Variants in PCNX1 observed in about 807,000 individuals in gnomAD.
PCNX1 encodes pecanex-like protein 1.
PCNX1 carries 78 observed loss-of-function variants against 242.2 expected under a neutral mutation model. The observed-to-expected ratio is 0.32, with a 90% confidence interval of 0.27 to 0.39. PCNX1 has a LOEUF of 0.39. PCNX1 is among the 10% of genes least tolerant of loss of function. The probability of loss-of-function intolerance (pLI) is 1.00; values close to 1 mark genes in which losing one functional copy is unlikely to be tolerated. For missense variants in PCNX1, 2,581 were observed against 2,856.5 expected (o/e 0.90, Z 2.20); for synonymous variants, 1,024 against 1,032.9 (o/e 0.99, Z 0.17).
At position 71,046,955 on chromosome 14, in the gene PCNX1, C is replaced by A; in HGVS notation, c.4019-9C>A. The A allele has an allele frequency of 1.2e-6, 2 of 1,600,696 alleles. No homozygotes were observed. On this transcript the variant is annotated splice_polypyrimidine_tract_variant and intron_variant, in intron 20 of 35. Coordinates refer to ENST00000304743, the MANE Select transcript of PCNX1 (RefSeq NM_014982.3). ...TGACATGTAGTCTTGATTTATACTG[C>A]CTTGTTAGATGCAGCCACTATGATG... is the stretch of plus-strand genomic sequence containing the variant.
In PCNX1 at chr14:70,995,740, G is replaced by C. The variant is rs1220042519; in HGVS notation, c.2445-1G>C. The C allele has an allele frequency of 6.2e-7, 1 of 1,612,762 alleles. No homozygotes were observed. The highest frequency in any genetic ancestry group is 1.7e-5 in the Admixed American group (1 of 59,862). Reference sequence around the variant, plus strand: ...TCTCCCCAATCCATGTTTTTTCCTAGCCTTCAAGATGGTCAGCAAGGCCAG... The same window carrying C: ...TCTCCCCAATCCATGTTTTTTCCTACCCTTCAAGATGGTCAGCAAGGCCAG... On this transcript the variant is annotated splice_acceptor_variant, in intron 7 of 35. Coordinates refer to ENST00000304743, the MANE Select transcript of PCNX1 (RefSeq NM_014982.3). LOFTEE classifies it high-confidence loss of function.
At chr14:70,958,853 A>G (rs371203868) in intron 2 of PCNX1, among the ~76,000 whole-genome samples, 52 of 135,620 alleles carry the variant, frequency 3.8e-4, no homozygotes, top group African/African-American at 1.2e-3. Flanking sequence ...CCAAAAACCT[A>G]TGAGAGTTTG....
intron 2 of PCNX1, among the ~76,000 whole-genome samples, chr14:70,953,406 C>T (rs1234901086): frequency 6.6e-6 from 1 of 151,658 alleles, no homozygotes; most frequent in African/African-American, 2.4e-5. Flanking sequence ...TTTCTTTTTT[C>T]CAATGCTCAT....
chr14:70,938,246 A>G (rs1004540688), intron 1 of PCNX1, among the ~76,000 whole-genome samples: 17 of 152,210 alleles, frequency 1.1e-4, no homozygotes, highest in African/African-American at 4.1e-4. Context: ...TTGCCCATTC[A>G]GTATGATTAT....
At chr14:70,960,065 T>A (rs1484794682) in intron 2 of PCNX1, among the ~76,000 whole-genome samples, 1 of 99,786 alleles carries the variant, frequency 1.0e-5, no homozygotes, top group Non-Finnish European at 2.2e-5. Flanking sequence ...TCGCCCACTT[T>A]TTGATGGGGT....
intron 7 of PCNX1, among the ~76,000 whole-genome samples, chr14:70,992,782 A>G (rs534233724): frequency 3.3e-5 from 5 of 152,196 alleles, no homozygotes; most frequent in Non-Finnish European, 7.3e-5. Flanking sequence ...GAAGCGTAAA[A>G]AAAGATTTAT....
Position 70,930,596 on chromosome 14 carries a change from A to G in PCNX1, c.154-16319A>G, listed in dbSNP as rs187778730. 2.0e-3 allele frequency among the ~76,000 whole-genome samples: 303 copies of G among 152,196 alleles called. 4 individuals carry two copies. The highest frequency in any genetic ancestry group is 7.2e-4 in the Non-Finnish European group (49 of 67,990). On this transcript the variant is annotated intron_variant, in intron 1 of 35. Transcript: ENST00000304743. ...GATAATATCTATTATTTTTAATTCTATTTATATTAAAATATTTATGTAGCA... is the reference window on the plus strand; with the variant it reads ...GATAATATCTATTATTTTTAATTCTGTTTATATTAAAATATTTATGTAGCA...
Position 70,907,806 on chromosome 14 carries a change from G to A in PCNX1, c.-45G>A, listed in dbSNP as rs911352900. ...CGAGGCCGAGCTGGGGCCGGGGCGG[G>A]GACGGCGGCGGCGGCGGCGGCGACG... is the stretch of plus-strand genomic sequence containing the variant. On this transcript the variant is annotated 5_prime_UTR_variant, in exon 1 of 36. Coordinates refer to ENST00000304743, the MANE Select transcript of PCNX1 (RefSeq NM_014982.3). 127 of 1,233,460 alleles carry A rather than the reference G, an allele frequency of 1.0e-4. No individual in the cohort carries two copies. Among genetic ancestry groups the A allele is most frequent in the Non-Finnish European group, 1.2e-4 (114 of 987,348 alleles). 76.4% of individuals were successfully genotyped at this position (1,233,460 alleles called of 1,614,324 possible). A position where few individuals can be genotyped will look rare whatever the true frequency, so the allele number is the denominator to read the frequency against.
intron 28 of PCNX1, chr14:71,078,592 C>G (rs1427739812): frequency 6.6e-6 from 1 of 152,204 alleles, no homozygotes; most frequent in Non-Finnish European, 1.5e-5. Flanking sequence ...CACACGCCTT[C>G]TCCACCAGTA....
At chr14:71,053,505 A>G (rs2061097938) in intron 24 of PCNX1, 12 of 336,960 alleles carry the variant, frequency 3.6e-5, no homozygotes, top group Non-Finnish European at 4.6e-5. Context: ...TTTAGTTGAG[A>G]TGGGGTTTCA....
chr14:70,946,908 C>CTTT lies in PCNX1; in HGVS notation c.154-5_154-4insTTT. On this transcript the variant is annotated splice_region_variant and splice_polypyrimidine_tract_variant and intron_variant, in intron 1 of 35. Transcript: ENST00000304743. ...AAATGTATTTCCTTATTTTCTTTCT[C>CTTT]TTAAAGGCCCTTCCTTCTACCATGA... 1 of 1,575,844 alleles carries CTTT rather than the reference C, an allele frequency of 6.3e-7. No individual in the cohort carries two copies. The highest frequency in any genetic ancestry group is 1.1e-5 in the South Asian group (1 of 90,038).
At position 70,912,828 on chromosome 14, in the gene PCNX1, G is replaced by C. The variant is rs564394636; in HGVS notation, c.153+4825G>C. 2.0e-5 allele frequency among the ~76,000 whole-genome samples: 3 copies of C among 152,226 alleles called. No individual in the cohort carries two copies. The East Asian group carries it at 5.8e-4, about 29-fold the overall frequency. Reference sequence around the variant, plus strand: ...GTGCTGTAGTCACACTGGCCTTTCTGTTACTTTAGCCCACTGAGCCTTTTC... The same window carrying C: ...GTGCTGTAGTCACACTGGCCTTTCTCTTACTTTAGCCCACTGAGCCTTTTC... On this transcript the variant is annotated intron_variant, in intron 1 of 35. Transcript: ENST00000304743.
chr14:71,009,794 A>G (rs1446887138), intron 9 of PCNX1, 70 bp downstream of exon 9: 29 of 851,538 alleles, frequency 3.4e-5, no homozygotes, highest in Non-Finnish European at 1.8e-5. Context: ...TTTTAAGCCT[A>G]GAACTATAAA....
intron 12 of PCNX1, 88 bp downstream of exon 12, chr14:71,019,250 ATAAT>A (rs1248091391): frequency 2.2e-5 from 23 of 1,037,818 alleles, no homozygotes; most frequent in Non-Finnish European, 3.0e-5. Flanking sequence ...TTATAGTAAG[ATAAT>A]TATTTTTAGG....
intron 7 of PCNX1, among the ~76,000 whole-genome samples, chr14:70,990,239 A>G (rs1021014086): frequency 1.5e-4 from 23 of 152,122 alleles, no homozygotes; most frequent in African/African-American, 5.1e-4. Flanking sequence ...TTCATTGCTC[A>G]ATTAAAACTC....
chr14:70,960,666 G>A (rs2140464001), intron 2 of PCNX1, among the ~76,000 whole-genome samples: 1 of 152,054 alleles, frequency 6.6e-6, no homozygotes, highest in African/African-American at 2.4e-5. Flanking sequence ...TTTGGCCAGG[G>A]CAATTAGGCA....
At chr14:71,007,412 A>C (rs953554452) in intron 8 of PCNX1, among the ~76,000 whole-genome samples, 3 of 152,132 alleles carry the variant, frequency 2.0e-5, no homozygotes, top group Admixed American at 1.3e-4. Context: ...TATATTAATA[A>C]AAATCCTTTG....
chr14:71,011,276 G>C (rs1032152173), intron 9 of PCNX1, among the ~76,000 whole-genome samples: 1 of 152,114 alleles, frequency 6.6e-6, no homozygotes, highest in African/African-American at 2.4e-5. Context: ...AGTATGAAGA[G>C]GGTAGGTAAC....
At chr14:70,955,422 G>A (rs951756195) in intron 2 of PCNX1, among the ~76,000 whole-genome samples, 5 of 152,144 alleles carry the variant, frequency 3.3e-5, no homozygotes, top group African/African-American at 1.2e-4. Context: ...ACTTGGTATT[G>A]TAATGGTGTT....
Sources: gnomAD v4.1 joint callset for allele counts (sites outside exome capture counted in the v4.1 genomes callset) on GRCh38, gnomAD v4.1.1 for gene constraint, MANE v1.5 for transcripts, NCBI Gene and HGNC (gene_info 2026-07-23, HGNC 2026-07-21) for gene names.